Variants in PLPPR1 observed in about 807,000 individuals in gnomAD.
PLPPR1 encodes phospholipid phosphatase-related protein type 1.
In PLPPR1, 10 loss-of-function variants were observed where a neutral mutation model predicts 33.1. That is an observed-to-expected ratio of 0.30 (90% CI 0.19 to 0.51). The LOEUF (loss-of-function observed/expected upper bound fraction) is 0.51. Ranked by LOEUF, PLPPR1 falls within the 20% of genes least tolerant of loss-of-function variation. The probability of loss-of-function intolerance (pLI) is 0.97; values close to 1 mark genes in which losing one functional copy is unlikely to be tolerated. For missense variants in PLPPR1, 304 were observed against 408.1 expected (o/e 0.74, Z 2.20); for synonymous variants, 151 against 151.0 (o/e 1.00, Z 0.00).
At chr9:101,291,923 A>G (rs1418794038) in intron 4 of PLPPR1, among the ~76,000 whole-genome samples, 2 of 152,338 alleles carry the variant, frequency 1.3e-5, no homozygotes, top group Non-Finnish European at 1.5e-5. Flanking sequence ...CACCAGCAAC[A>G]GAACAAAGCT....
rs574621722 is a variant in PLPPR1, at chr9:101,206,204, A to G, written c.63+20647A>G. ...TTCGGGAGGCATTTTTAAACTTAGG[A>G]CTTTGTAAATACAACAATTATCTGT... On this transcript the variant is annotated intron_variant, in intron 2 of 7. Transcript: ENST00000374874. Among the ~76,000 whole-genome samples, 244 of 152,308 alleles carry G rather than the reference A, an allele frequency of 1.6e-3. 1 individual carries two copies. The highest frequency in any genetic ancestry group is 2.6e-3 in the Non-Finnish European group (177 of 68,024).
At chr9:101,071,184 T>G (rs1406764820) in intron 1 of PLPPR1, among the ~76,000 whole-genome samples, 1 of 152,022 alleles carries the variant, frequency 6.6e-6, no homozygotes, top group East Asian at 1.9e-4. Flanking sequence ...TAGCATGCAT[T>G]TGAGGTCTTC....
At chr9:101,156,695 CT>C (rs572856352) in intron 1 of PLPPR1, among the ~76,000 whole-genome samples, 155 of 151,576 alleles carry the variant, frequency 1.0e-3, no homozygotes, top group African/African-American at 3.3e-3. Flanking sequence ...ATAATTCTGT[CT>C]TATAGGGTTT....
intron 2 of PLPPR1, among the ~76,000 whole-genome samples, chr9:101,221,365 G>C (rs1352719538): frequency 1.3e-5 from 2 of 152,136 alleles, no homozygotes; most frequent in Non-Finnish European, 2.9e-5. Context: ...CCATTAGTCA[G>C]TAAAGAACAG....
intron 1 of PLPPR1, among the ~76,000 whole-genome samples, chr9:101,147,994 C>G (rs1473395661): frequency 6.6e-6 from 1 of 152,138 alleles, no homozygotes. Flanking sequence ...GATGCCCATT[C>G]ACTTGAGGGT....
At chr9:101,311,856 T>G (rs958212524) in intron 5 of PLPPR1, among the ~76,000 whole-genome samples, 1 of 152,200 alleles carries the variant, frequency 6.6e-6, no homozygotes, top group East Asian at 1.9e-4. Context: ...TAAGAAATGA[T>G]AGACCAATGG....
At chr9:101,261,535 C>T (rs762243137) in intron 2 of PLPPR1, among the ~76,000 whole-genome samples, 1 of 152,058 alleles carries the variant, frequency 6.6e-6, no homozygotes, top group Non-Finnish European at 1.5e-5. Context: ...AAGAGGATGT[C>T]CTTCTTAACC....
At chr9:101,202,676 C>A (rs1486117306) in intron 2 of PLPPR1, among the ~76,000 whole-genome samples, 1 of 152,176 alleles carries the variant, frequency 6.6e-6, no homozygotes, top group African/African-American at 2.4e-5. Context: ...TTAAAGAGCA[C>A]CTCTCATTGT....
intron 1 of PLPPR1, among the ~76,000 whole-genome samples, chr9:101,087,775 A>G (rs1352128218): frequency 1.3e-5 from 2 of 152,198 alleles, no homozygotes; most frequent in Non-Finnish European, 2.9e-5. Flanking sequence ...AGTGTTGCTA[A>G]TCATTGATCG....
intron 2 of PLPPR1, among the ~76,000 whole-genome samples, chr9:101,237,631 A>C (rs1385056310): frequency 8.4e-6 from 1 of 118,880 alleles, no homozygotes; most frequent in Non-Finnish European, 1.7e-5. Flanking sequence ...CATTGTGTGC[A>C]TATATATATA....
At chr9:101,047,404 G>A (rs1479824122) in intron 1 of PLPPR1, among the ~76,000 whole-genome samples, 1 of 152,204 alleles carries the variant, frequency 6.6e-6, no homozygotes. Flanking sequence ...ATTGAGAAGT[G>A]AACTTGCGTA....
chr9:101,174,904 G>C (rs185200985), intron 1 of PLPPR1, among the ~76,000 whole-genome samples: 2 of 152,212 alleles, frequency 1.3e-5, no homozygotes, highest in East Asian at 3.9e-4. Flanking sequence ...TTTGCTTTAA[G>C]TTCCTATCTG....
At chr9:101,320,158 G>A (rs1829128233) in intron 7 of PLPPR1, among the ~76,000 whole-genome samples, 1 of 152,216 alleles carries the variant, frequency 6.6e-6, no homozygotes, top group Non-Finnish European at 1.5e-5. Flanking sequence ...TTTACAGGTA[G>A]TAGTTGAACT....
chr9:101,148,489 A>G (rs552369869), intron 1 of PLPPR1, among the ~76,000 whole-genome samples: 43 of 152,240 alleles, frequency 2.8e-4, no homozygotes, highest in Non-Finnish European at 5.3e-4. Flanking sequence ...TTGTTGCCTC[A>G]TGGAATTAAT....
intron 2 of PLPPR1, among the ~76,000 whole-genome samples, chr9:101,220,417 A>G (rs1826905778): frequency 6.6e-6 from 1 of 152,226 alleles, no homozygotes. Context: ...CACAGTTAAT[A>G]AGCAGCAATA....
intron 1 of PLPPR1, among the ~76,000 whole-genome samples, chr9:101,066,781 G>T (rs1286198519): frequency 6.6e-6 from 1 of 151,894 alleles, no homozygotes; most frequent in African/African-American, 2.4e-5. Context: ...CCCTGACCTA[G>T]AATCAGCCAT....
chr9:101,089,760 T>TA (rs1165043383), intron 1 of PLPPR1, among the ~76,000 whole-genome samples: 3 of 152,218 alleles, frequency 2.0e-5, no homozygotes, highest in Non-Finnish European at 2.9e-5. Flanking sequence ...CCTTCCTGTT[T>TA]AAGAGTCTCT....
At position 101,312,870 on chromosome 9, in the gene PLPPR1, T is replaced by G. The variant is rs1316439434; in HGVS notation, c.709T>G (p.Cys237Gly). 6.2e-7 allele frequency: 1 copy of G among 1,614,050 alleles called. No homozygotes were observed. The highest frequency in any genetic ancestry group is 1.7e-5 in the Admixed American group (1 of 60,006). Residue 237 changes from cysteine to glycine, a missense_variant, in exon 6 of 8, where the codon TGC becomes GGC. By Grantham distance (159) the Cys-to-Gly change is radical (BLOSUM62 -3). Coordinates refer to ENST00000374874, the MANE Select transcript of PLPPR1 (RefSeq NM_207299.2). ...GCCGGTGCTGTGCCTCGGAACTCTCTGCACAGCCTTCCTGACAGGCCTCAA... is the reference window on the plus strand; with the variant it reads ...GCCGGTGCTGTGCCTCGGAACTCTCGGCACAGCCTTCCTGACAGGCCTCAA... ...AKPVLCLGTLCTAFLTGLNRV... is the reference protein window; with the variant it reads ...AKPVLCLGTLGTAFLTGLNRV...
chr9:101,243,684 G>A (rs1050278240), intron 2 of PLPPR1, among the ~76,000 whole-genome samples: 6 of 151,912 alleles, frequency 3.9e-5, no homozygotes, highest in Admixed American at 2.0e-4. Context: ...AGGAGGAGAT[G>A]TTAAGTGTGG....
Sources: allele counts gnomAD v4.1 joint callset (sites outside exome capture counted in the v4.1 genomes callset), GRCh38; gene constraint gnomAD v4.1.1; transcripts MANE v1.5; gene names NCBI Gene and HGNC (gene_info 2026-07-23, HGNC 2026-07-21).